Variants in TCF20 observed in about 807,000 individuals in gnomAD.
The protein encoded by TCF20 is transcription factor 20.
A neutral mutation model predicts 148.6 loss-of-function variants in TCF20; 3 were observed. The observed-to-expected ratio is 0.02, with a 90% confidence interval of 0.01 to 0.05. The LOEUF (loss-of-function observed/expected upper bound fraction) is 0.05. Ranked by LOEUF, TCF20 falls within the 10% of genes least tolerant of loss-of-function variation. The pLI is 1.00. For synonymous variants in TCF20, 1,049 were observed against 909.5 expected (o/e 1.15, Z -2.76); for missense variants, 2,350 against 2,429.3 (o/e 0.97, Z 0.69).
rs145328893 is a variant in TCF20, at chr22:42,174,831, C to T, written c.5749+4778G>A. Among the ~76,000 whole-genome samples the T allele has an allele frequency of 8.8e-3, 1,330 of 151,942 alleles. 14 individuals carry two copies. Among genetic ancestry groups the T allele is most frequent in the African/African-American group, 0.03 (1,255 of 41,420 alleles). On this transcript the variant is annotated intron_variant, in intron 3 of 5. Transcript: ENST00000677622. ...TGGGCAGATCACAAGGTCAGGAGAT[C>T]GAGACCATCCCGGCTAACACGGTGA...
chr22:42,160,840 G>A lies in TCF20; in HGVS notation c.*563C>T, dbSNP rs994131208. On this transcript the variant is annotated 3_prime_UTR_variant, in exon 6 of 6. Coordinates refer to ENST00000677622, the MANE Select transcript of TCF20 (RefSeq NM_001378418.1). ...TTGCTTTTTCAATCCTGGGTCTAGT[G>A]TTTTCTGAACTGGTGTGAGACAGGC... 6.6e-6 allele frequency: 1 copy of A among 152,106 alleles called. No individual in the cohort carries two copies. Among genetic ancestry groups the A allele is most frequent in the Non-Finnish European group, 1.5e-5 (1 of 68,170 alleles). The allele number at this position is 152,106 out of a possible 1,614,324, so 9.4% of individuals were successfully genotyped here.
intron 1 of TCF20, among the ~76,000 whole-genome samples, chr22:42,231,001 A>G (rs1033361765): frequency 6.6e-6 from 1 of 151,958 alleles, no homozygotes; most frequent in African/African-American, 2.4e-5. Flanking sequence ...TCTACTAAAA[A>G]AAACACAAAA....
chr22:42,320,933 G>T (rs1015159868), intron 1 of TCF20, among the ~76,000 whole-genome samples: 10 of 152,206 alleles, frequency 6.6e-5, no homozygotes, highest in Admixed American at 6.5e-4. Context: ...AGCTGTGTTT[G>T]TCCACAGTCA....
At position 42,239,343 on chromosome 22, in the gene TCF20, G is replaced by T. The variant is rs565861738; in HGVS notation, c.-36-24002C>A. Among the ~76,000 whole-genome samples, 52 of 152,052 alleles carry T rather than the reference G, an allele frequency of 3.4e-4. 1 individual carries two copies. The East Asian group carries it at 5.4e-3, about 16-fold the overall frequency. On this transcript the variant is annotated intron_variant, in intron 1 of 5. Transcript: ENST00000677622. Reference sequence around the variant, plus strand: ...AATACAAAATTAGCAGGGCGTGATGGCGCATGCCTGTAATCCCAGCTACTC... The same window carrying T: ...AATACAAAATTAGCAGGGCGTGATGTCGCATGCCTGTAATCCCAGCTACTC...
rs61745937 is a variant in TCF20 at position 42,215,168 on chromosome 22, G to A, written c.138C>T (p.Gly46=). Residue 46 remains glycine (G), a synonymous_variant, in exon 2 of 6, where the codon GGC becomes GGT. Coordinates refer to ENST00000677622, the MANE Select transcript of TCF20 (RefSeq NM_001378418.1). ...TGCCACTGCCACTGCTGCCACTACT[G>A]CCACCTGTACCTCCAAAATTCTGGA... The part of the protein sequence containing the change: ...QMFQNFGGTG[G]SSGSSGSGSG... 5.8e-3 allele frequency: 9,358 copies of A among 1,614,108 alleles called. 451 individuals carry two copies. The African/African-American group carries it at 0.1, about 18-fold the overall frequency.
Position 42,160,465 on chromosome 22 carries a change from G to C in TCF20, c.*938C>G, listed in dbSNP as rs1165326396. The C allele has an allele frequency of 6.6e-6, 1 of 152,516 alleles. No individual in the cohort carries two copies. Among genetic ancestry groups the C allele is most frequent in the East Asian group, 1.9e-4 (1 of 5,170 alleles). The allele number at this position is 152,516 out of a possible 1,614,324, so 9.4% of individuals were successfully genotyped here. ...ATCCCCACGGGTCCCTGTGGGTCAG[G>C]GCACAGCTGCCTGGAATGTGCTGAG... On this transcript the variant is annotated 3_prime_UTR_variant, in exon 6 of 6. Coordinates refer to ENST00000677622, the MANE Select transcript of TCF20 (RefSeq NM_001378418.1).
At chr22:42,162,625 C>T (rs1935534169) in intron 5 of TCF20, among the ~76,000 whole-genome samples, 1 of 152,186 alleles carries the variant, frequency 6.6e-6, no homozygotes, top group Non-Finnish European at 1.5e-5. Flanking sequence ...GGCAGCCTTG[C>T]CCCTCCTTCA....
chr22:42,233,027 TCTC>T lies in TCF20; in HGVS notation c.-36-17689_-36-17687del, dbSNP rs1923572139. Reference sequence around the variant, plus strand: ...CCTCTGCCTCCCTGGTTCAAGCAATTCTCCTGCCTCAGTCTCCCAAGTAGCTGA... The same window carrying T: ...CCTCTGCCTCCCTGGTTCAAGCAATTCTGCCTCAGTCTCCCAAGTAGCTGA... On this transcript the variant is annotated intron_variant, in intron 1 of 5. Transcript: ENST00000677622. Among the ~76,000 whole-genome samples the T allele has an allele frequency of 2.6e-5, 4 of 152,020 alleles. No individual in the cohort carries two copies. In the South Asian group the frequency reaches 8.3e-4, roughly 32 times the overall value.
At chr22:42,198,038 C>T (rs1250508286) in intron 2 of TCF20, among the ~76,000 whole-genome samples, 1 of 152,004 alleles carries the variant, frequency 6.6e-6, no homozygotes, top group East Asian at 1.9e-4. Flanking sequence ...TTCTTTAAAT[C>T]GAAAAATAAA....
chr22:42,196,764 A>C (rs1203049275), intron 2 of TCF20, among the ~76,000 whole-genome samples: 1 of 152,232 alleles, frequency 6.6e-6, no homozygotes, highest in East Asian at 1.9e-4. Context: ...TGAGAAACAC[A>C]TAACAGAGAT....
intron 1 of TCF20, among the ~76,000 whole-genome samples, chr22:42,240,659 T>TGG (rs1360667997): frequency 6.6e-6 from 1 of 152,178 alleles, no homozygotes; most frequent in East Asian, 1.9e-4. Context: ...AGAAAGTGCC[T>TGG]GGCTCACTCC....
chr22:42,305,349 T>A (rs1041727755), intron 1 of TCF20, among the ~76,000 whole-genome samples: 2 of 152,048 alleles, frequency 1.3e-5, no homozygotes, highest in African/African-American at 4.8e-5. Context: ...GCCAGAAACA[T>A]GGGGCCATCC....
intron 2 of TCF20, among the ~76,000 whole-genome samples, chr22:42,206,939 C>G (rs1413156572): frequency 1.3e-5 from 2 of 152,092 alleles, no homozygotes; most frequent in Non-Finnish European, 2.9e-5. Context: ...CTCATGACAC[C>G]ATGAGCAATG....
At chr22:42,283,392 C>T (rs1569200446) in intron 1 of TCF20, among the ~76,000 whole-genome samples, 1 of 150,824 alleles carries the variant, frequency 6.6e-6, no homozygotes, top group Non-Finnish European at 1.5e-5. Context: ...CCGGAGGGGA[C>T]GGGGGCGCGG....
intron 2 of TCF20, among the ~76,000 whole-genome samples, chr22:42,181,839 T>C (rs546213920): frequency 6.6e-6 from 1 of 151,896 alleles, no homozygotes; most frequent in Admixed American, 6.6e-5. Context: ...CTTGAACTCC[T>C]GGGCTCAAGC....
Position 42,212,449 on chromosome 22 carries a change from G to T in TCF20, c.2857C>A (p.Pro953Thr), listed in dbSNP as rs1921074516. ...NNKKSGDHCH[P>T]PSIKHESYRG... ...TAAGACTCATGCTTGATGCTAGGAG[G>T]ATGGCAGTGGTCTCCAGATTTCTTG... The change falls in exon 2 of 6, where the codon CCT becomes ACT. Residue 953 changes from proline (P) to threonine (T), a missense_variant. By Grantham distance (38) the Pro-to-Thr change is conservative. This residue lies in a region of TCF20 where 1,641 missense variants were observed against 1,662.6 expected (regional missense o/e 0.99). Transcript: ENST00000677622. 5 of 1,614,104 alleles carry T rather than the reference G, an allele frequency of 3.1e-6. No homozygotes were observed. Among genetic ancestry groups the T allele is most frequent in the Non-Finnish European group, 4.2e-6 (5 of 1,180,052 alleles).
In TCF20 at chr22:42,299,561, G is replaced by A. The variant is rs1360994868; in HGVS notation, c.-37+43918C>T. The stretch of plus-strand genomic sequence containing the variant: ...CGAGGAACTGGAATGGGGGTGGAGG[G>A]GAATCACATGTCCCACTGGTCACCA... On this transcript the variant is annotated intron_variant, in intron 1 of 1. Coordinates refer to the TCF20 transcript ENST00000515426. The surrounding 1 kb of genome is among the most constrained non-coding windows in gnomAD (Gnocchi z 4.1). Among the ~76,000 whole-genome samples, 8 of 152,154 alleles carry A rather than the reference G, an allele frequency of 5.3e-5. No homozygotes were observed. Among genetic ancestry groups the A allele is most frequent in the Non-Finnish European group, 8.8e-5 (6 of 68,020 alleles).
At chr22:42,323,145 G>A (rs993829405) in intron 1 of TCF20, among the ~76,000 whole-genome samples, 4 of 151,418 alleles carry the variant, frequency 2.6e-5, no homozygotes, top group African/African-American at 9.7e-5. Flanking sequence ...ACCTCAGGTG[G>A]CCCACCTCAG....
intron 1 of TCF20, among the ~76,000 whole-genome samples, chr22:42,219,950 A>C (rs998473095): frequency 6.6e-6 from 1 of 152,134 alleles, no homozygotes; most frequent in Non-Finnish European, 1.5e-5. Context: ...CTTTCTGAAC[A>C]GTTTCAGAAG....
Sources: allele counts gnomAD v4.1 joint callset (sites outside exome capture counted in the v4.1 genomes callset), GRCh38; gene constraint gnomAD v4.1.1; regional missense constraint gnomAD v4.1.1; non-coding constraint Gnocchi (gnomAD v3.1); transcripts MANE v1.5; gene names NCBI Gene and HGNC (gene_info 2026-07-23, HGNC 2026-07-21).